PTPN14: variants seen among roughly 807,000 people sequenced by gnomAD.
PTPN14 encodes protein tyrosine phosphatase non-receptor type 14.
In PTPN14, 53 loss-of-function variants were observed where a neutral mutation model predicts 126.8. That is an observed-to-expected ratio of 0.42 (90% CI 0.34 to 0.53). PTPN14 has a LOEUF of 0.53. PTPN14 is among the 20% of genes least tolerant of loss of function. The pLI is 0.08. For missense variants in PTPN14, 1,257 were observed against 1,552.9 expected, an observed-to-expected ratio of 0.81 and a Z score of 3.20; for synonymous variants, 630 against 599.3, an observed-to-expected ratio of 1.05 and a Z score of -0.75.
intron 17 of PTPN14, among the ~76,000 whole-genome samples, chr1:214,367,162 A>G (rs934578304): frequency 5.3e-5 from 8 of 152,186 alleles, no homozygotes; most frequent in Admixed American, 5.2e-4. Flanking sequence ...TTCTTGGAGA[A>G]AATTTTAATA....
intron 1 of PTPN14, among the ~76,000 whole-genome samples, chr1:214,487,629 G>A (rs1433359255): frequency 3.0e-5 from 1 of 33,458 alleles, no homozygotes; most frequent in African/African-American, 1.6e-4. Flanking sequence ...GCAAGACTCC[G>A]TCTCAAAAAA....
chr1:214,520,064 AAATATATAT>A (rs1156351052), intron 1 of PTPN14, among the ~76,000 whole-genome samples: 1 of 103,230 alleles, frequency 9.7e-6, no homozygotes, highest in Non-Finnish European at 1.9e-5. Flanking sequence ...AAAAAAAAAA[AAATATATAT>A]ATATATATAT....
chr1:214,386,895 G>T lies in PTPN14; in HGVS notation c.1015C>A (p.Pro339Thr), dbSNP rs1658630355. ...LPRQQPYILP[P>T]VHVQCGEHYS... ...TGCTCACCACACTGGACGTGAACGG[G>T]AGGCAGGATGTACGGCTGCTGCCTG... The change falls in exon 12 of 19, where the codon CCC (proline) becomes ACC (threonine). Residue 339 changes from proline to threonine, a missense_variant. By Grantham distance (38) the Pro-to-Thr change is conservative. Transcript: ENST00000366956. The T allele has an allele frequency of 6.2e-7, 1 of 1,608,398 alleles. No individual in the cohort carries two copies.
intron 3 of PTPN14, among the ~76,000 whole-genome samples, chr1:214,443,248 C>T (rs976478674): frequency 6.6e-6 from 1 of 152,158 alleles, no homozygotes; most frequent in South Asian, 2.1e-4. Context: ...GATTTATAGT[C>T]TTCTTCACAG....
Position 214,451,983 on chromosome 1 carries a change from A to C in PTPN14, c.175-9T>G, listed in dbSNP as rs1445790928. 6.2e-7 allele frequency: 1 copy of C among 1,611,778 alleles called. No homozygotes were observed. The highest frequency in any genetic ancestry group is 1.3e-5 in the African/African-American group (1 of 74,834). On this transcript the variant is annotated splice_polypyrimidine_tract_variant and intron_variant, in intron 2 of 18. Transcript: ENST00000366956. ...AGGCCAAAGTAGTGCGTCTAGATAA[A>C]AGGGTAAAATAGCATCAGTTCATGC...
intron 1 of PTPN14, among the ~76,000 whole-genome samples, chr1:214,481,537 G>A (rs7513897): frequency 0.92 from 125,881 of 137,484 alleles, 57,750 homozygotes; most frequent in African/African-American, 0.97. Flanking sequence ...AAAAAGAATA[G>A]AAATTAAAAT....
At chr1:214,508,141 G>C (rs1413664107) in intron 1 of PTPN14, among the ~76,000 whole-genome samples, 2 of 152,128 alleles carry the variant, frequency 1.3e-5, no homozygotes, top group Admixed American at 1.3e-4. Flanking sequence ...GGTGGCTATG[G>C]CCATTTCTTA....
rs1658745252 is a variant in PTPN14 at position 214,391,256 on chromosome 1, A to G, written c.930-211T>C. 2.0e-5 allele frequency among the ~76,000 whole-genome samples: 3 copies of G among 152,210 alleles called. No individual in the cohort carries two copies. In the South Asian group the frequency reaches 6.2e-4, roughly 32 times the overall value. ...AAAATGTTCGGATAAGGATACTTTTAGAATAAATTTTACAAAGTAATATTA... is the reference window on the plus strand; with the variant it reads ...AAAATGTTCGGATAAGGATACTTTTGGAATAAATTTTACAAAGTAATATTA... On this transcript the variant is annotated intron_variant, in intron 10 of 18. Coordinates refer to ENST00000366956, the MANE Select transcript of PTPN14 (RefSeq NM_005401.5).
At chr1:214,413,354 C>T (rs11120315) in intron 4 of PTPN14, among the ~76,000 whole-genome samples, 19,153 of 152,282 alleles carry the variant, frequency 0.13, 1,448 homozygotes, top group Middle Eastern at 0.26. Context: ...TTTCCATCCA[C>T]AGAATTACAA....
chr1:214,384,711 T>A lies in PTPN14; in HGVS notation c.1144A>T (p.Thr382Ser). Residue 382 changes from threonine (T) to serine (S), a missense_variant, in exon 13 of 19, where the codon ACT (threonine) becomes TCT (serine). Coordinates refer to ENST00000366956, the MANE Select transcript of PTPN14 (RefSeq NM_005401.5). The surrounding 1 kb of genome is among the most constrained non-coding windows in gnomAD (Gnocchi z 5.3). ...NSLDLNYLNGTVTNGSVCSVH... is the reference protein window; with the variant it reads ...NSLDLNYLNGSVTNGSVCSVH... The stretch of plus-strand genomic sequence containing the variant: ...CTACACACGCTGCCATTGGTGACAG[T>A]GCCATTTAAATAATTTAAGTCCAGG... 1.2e-6 allele frequency: 2 copies of A among 1,614,098 alleles called. No individual in the cohort carries two copies. The highest frequency in any genetic ancestry group is 1.7e-6 in the Non-Finnish European group (2 of 1,180,032).
At chr1:214,481,377 G>A (rs1452759110) in intron 1 of PTPN14, among the ~76,000 whole-genome samples, 1 of 151,756 alleles carries the variant, frequency 6.6e-6, no homozygotes, top group Non-Finnish European at 1.5e-5. Flanking sequence ...TGGGCGTGGT[G>A]GCATGCGCCT....
In PTPN14 at chr1:214,401,770, C is replaced by A. The variant is rs773610604; in HGVS notation, c.584G>T (p.Gly195Val). The A allele has an allele frequency of 6.4e-7, 1 of 1,573,368 alleles. No homozygotes were observed. The highest frequency in any genetic ancestry group is 8.7e-7 in the Non-Finnish European group (1 of 1,145,712). Residue 195 changes from glycine to valine, a missense_variant and splice_region_variant, in exon 7 of 19, where the codon GGA becomes GTA. Gly to Val is a moderately radical substitution (Grantham distance 109, BLOSUM62 -3). Transcript: ENST00000366956. ...CAGTTCAGCTTCTGCTGGCAGGATT[C>A]CACTAAAATCAAAATAGCATCAAAG... is the stretch of plus-strand genomic sequence containing the variant. ...KVAQEHKAHS[G>V]ILPAEAELMY...
chr1:214,486,890 T>C (rs1446823119), intron 1 of PTPN14, among the ~76,000 whole-genome samples: 1 of 126,188 alleles, frequency 7.9e-6, no homozygotes, highest in Non-Finnish European at 1.6e-5. Context: ...TTAACTCTGG[T>C]ACATCTCCGT....
At chr1:214,398,394 AGTTCAAG>A (rs1426400085) in intron 7 of PTPN14, among the ~76,000 whole-genome samples, 1 of 152,190 alleles carries the variant, frequency 6.6e-6, no homozygotes, top group African/African-American at 2.4e-5. Context: ...AGGAGGACTA[AGTTCAAG>A]GTATCATTGT....
At chr1:214,388,376 G>A (rs778455260) in intron 11 of PTPN14, among the ~76,000 whole-genome samples, 20 of 151,852 alleles carry the variant, frequency 1.3e-4, no homozygotes, top group Non-Finnish European at 2.2e-4. Context: ...GTAAGCCACC[G>A]AACAGGATAA....
chr1:214,531,796 T>C (rs1442062923), intron 1 of PTPN14: 1 of 152,168 alleles, frequency 6.6e-6, no homozygotes, highest in Non-Finnish European at 1.5e-5. Context: ...AAGTTTTCAT[T>C]TACAGTTTGT....
chr1:214,479,907 TTA>T (rs765783548), intron 1 of PTPN14, among the ~76,000 whole-genome samples: 2 of 152,154 alleles, frequency 1.3e-5, no homozygotes, highest in Non-Finnish European at 2.9e-5. Flanking sequence ...ATCATTTTAA[TTA>T]TGTTTAATTT....
At chr1:214,455,928 C>T (rs371389909) in intron 2 of PTPN14, among the ~76,000 whole-genome samples, 69 of 152,166 alleles carry the variant, frequency 4.5e-4, no homozygotes, top group African/African-American at 1.6e-3. Context: ...CTCTCCGTAC[C>T]TTTTGCTCAA....
At chr1:214,361,461 A>G (rs1030056978) in intron 18 of PTPN14, among the ~76,000 whole-genome samples, 7 of 152,278 alleles carry the variant, frequency 4.6e-5, no homozygotes, top group Admixed American at 2.6e-4. Flanking sequence ...CTGGTCTTCA[A>G]TGAAAGGGTC....
Sources: gnomAD v4.1 joint callset for allele counts (sites outside exome capture counted in the v4.1 genomes callset) on GRCh38, gnomAD v4.1.1 for gene constraint, Gnocchi (gnomAD v3.1) non-coding constraint, MANE v1.5 for transcripts, NCBI Gene and HGNC (gene_info 2026-07-23, HGNC 2026-07-21) for gene names.